DLGAP2: variants seen among roughly 807,000 people sequenced by gnomAD.
DLGAP2 encodes DLG associated protein 2.
In DLGAP2, 26 loss-of-function variants were observed where a neutral mutation model predicts 100.3. That is an observed-to-expected ratio of 0.26 (90% CI 0.19 to 0.36). DLGAP2 has a LOEUF of 0.36. Ranked by LOEUF, DLGAP2 falls within the 10% of genes least tolerant of loss-of-function variation. The pLI is 1.00. For synonymous variants in DLGAP2, 886 were observed against 630.1 expected (o/e 1.41, Z -6.08); for missense variants, 1,858 against 1,453.2 (o/e 1.28, Z -4.53).
chr8:1,170,342 C>G (rs1473002496), intron 2 of DLGAP2, among the ~76,000 whole-genome samples: 1 of 151,878 alleles, frequency 6.6e-6, no homozygotes, highest in Non-Finnish European at 1.5e-5. Flanking sequence ...GTCTAAAATT[C>G]TCTTTTTTGG....
intron 1 of DLGAP2, among the ~76,000 whole-genome samples, chr8:806,838 A>T (rs1253171125): frequency 1.3e-5 from 2 of 152,248 alleles, no homozygotes; most frequent in African/African-American, 4.8e-5. Flanking sequence ...ACAGTATATA[A>T]AAGAAGAAGC....
At chr8:938,505 T>G (rs1276749185) in intron 2 of DLGAP2, among the ~76,000 whole-genome samples, 1 of 152,168 alleles carries the variant, frequency 6.6e-6, no homozygotes, top group Admixed American at 6.5e-5. Flanking sequence ...ATGCATGGTT[T>G]GTGTGGAGCA....
In DLGAP2 at chr8:1,332,786, G is replaced by T. The variant is rs191590786; in HGVS notation, c.106+73903G>T. Among the ~76,000 whole-genome samples, 91 of 152,284 alleles carry T rather than the reference G, an allele frequency of 6.0e-4. 1 individual carries two copies. The highest frequency in any genetic ancestry group is 2.0e-3 in the African/African-American group (82 of 41,568). On this transcript the variant is annotated intron_variant, in intron 3 of 14. Coordinates refer to ENST00000637795, the MANE Select transcript of DLGAP2 (RefSeq NM_001346810.2). The stretch of plus-strand genomic sequence containing the variant: ...TTGAGGCTGCAGGTAGCTCTCTAGG[G>T]TCCTGGACCATTCATAACCAAGCAT...
At chr8:1,486,954 T>C (rs974115582) in intron 3 of DLGAP2, among the ~76,000 whole-genome samples, 1 of 151,780 alleles carries the variant, frequency 6.6e-6, no homozygotes, top group Non-Finnish European at 1.5e-5. Context: ...CGTGGGGAGG[T>C]TGAAACAATA....
chr8:1,031,345 A>C (rs770500049), intron 2 of DLGAP2, among the ~76,000 whole-genome samples: 1 of 151,760 alleles, frequency 6.6e-6, no homozygotes, highest in Non-Finnish European at 1.5e-5. Flanking sequence ...TGTTAGTTAC[A>C]GTTGGGAAGC....
intron 3 of DLGAP2, among the ~76,000 whole-genome samples, chr8:1,328,031 A>G (rs1291413146): frequency 1.3e-5 from 2 of 151,856 alleles, no homozygotes; most frequent in African/African-American, 2.4e-5. Context: ...TTCTGTAACA[A>G]GGGCCTTTTT....
intron 2 of DLGAP2, among the ~76,000 whole-genome samples, chr8:957,257 C>G (rs563203838): frequency 5.9e-4 from 90 of 152,318 alleles, no homozygotes; most frequent in African/African-American, 2.1e-3. Context: ...AGAGGCCCCT[C>G]CAGGGCCTCC....
Position 1,678,367 on chromosome 8 carries a change from G to A in DLGAP2, c.2442G>A (p.Gln814=), listed in dbSNP as rs764163262. ...ACTCCGAGCCCAGCACCCCCACCCA[G>A]TACAGCGCGGTGAGAACTGTACGGA... is the stretch of plus-strand genomic sequence containing the variant. ...QRHSEPSTPT[Q]YSAVRTVRTQ... is the part of the protein sequence containing the mutation. Residue 814 remains glutamine (Q), a synonymous_variant, in exon 12 of 15, where the codon CAG becomes CAA. Coordinates refer to ENST00000637795, the MANE Select transcript of DLGAP2 (RefSeq NM_001346810.2). 5 of 1,613,860 alleles carry A rather than the reference G, an allele frequency of 3.1e-6. No homozygotes were observed. The African/African-American group carries it at 6.7e-5, about 22-fold the overall frequency.
At chr8:1,121,094 A>G (rs895504732) in intron 2 of DLGAP2, among the ~76,000 whole-genome samples, 3 of 150,924 alleles carry the variant, frequency 2.0e-5, no homozygotes, top group Admixed American at 6.6e-5. Context: ...CTGATCACCC[A>G]TCCTCATTCC....
At chr8:1,252,232 G>A (rs1799061022) in intron 2 of DLGAP2, among the ~76,000 whole-genome samples, 1 of 150,540 alleles carries the variant, frequency 6.6e-6, no homozygotes, top group African/African-American at 2.4e-5. Context: ...TTGTCACATG[G>A]GTGTGTTGTG....
intron 3 of DLGAP2, among the ~76,000 whole-genome samples, chr8:1,430,473 T>C (rs1339799564): frequency 1.3e-5 from 2 of 152,214 alleles, no homozygotes; most frequent in African/African-American, 2.4e-5. Context: ...GCTGGTCTTC[T>C]AGCAGAAGAA....
At chr8:1,696,386 G>C (rs1200809106) in intron 13 of DLGAP2, among the ~76,000 whole-genome samples, 1 of 152,186 alleles carries the variant, frequency 6.6e-6, no homozygotes, top group Non-Finnish European at 1.5e-5. Context: ...TGTGGTCCCA[G>C]CTACTTGGGA....
At chr8:1,205,711 T>A (rs1797975482) in intron 2 of DLGAP2, among the ~76,000 whole-genome samples, 1 of 152,166 alleles carries the variant, frequency 6.6e-6, no homozygotes, top group South Asian at 2.1e-4. Flanking sequence ...TCGGACAGGT[T>A]CTCAGCGTCT....
Position 808,609 on chromosome 8 carries a change from G to A in DLGAP2, c.18+70784G>A, listed in dbSNP as rs577607078. On this transcript the variant is annotated intron_variant, in intron 1 of 14. Transcript: ENST00000637795. ...GGGGATGTGTTTGGGCACCCAGGGC[G>A]GAGCCTGTGTGAGGAGGGCGGCCGC... is the stretch of plus-strand genomic sequence containing the variant. 5.3e-5 allele frequency among the ~76,000 whole-genome samples: 8 copies of A among 152,286 alleles called. No individual in the cohort carries two copies. The East Asian group carries it at 9.7e-4, about 18-fold the overall frequency.
intron 5 of DLGAP2, among the ~76,000 whole-genome samples, chr8:1,557,438 A>G (rs922708472): frequency 1.3e-5 from 2 of 152,092 alleles, no homozygotes; most frequent in South Asian, 2.1e-4. Flanking sequence ...AGGGGTGAGG[A>G]CACAGGATGG....
chr8:1,573,098 G>C (rs1802808040), intron 6 of DLGAP2, among the ~76,000 whole-genome samples: 1 of 113,316 alleles, frequency 8.8e-6, no homozygotes, highest in African/African-American at 3.7e-5. Context: ...ATGGAGAGGA[G>C]AGAGGGGTGA....
intron 3 of DLGAP2, among the ~76,000 whole-genome samples, chr8:1,306,782 A>G (rs1376418196): frequency 2.6e-5 from 4 of 152,338 alleles, no homozygotes; most frequent in African/African-American, 7.2e-5. Flanking sequence ...GGGTGCCAAG[A>G]CCATTCAATG....
At chr8:823,993 A>C (rs902003872) in intron 1 of DLGAP2, among the ~76,000 whole-genome samples, 50 of 152,180 alleles carry the variant, frequency 3.3e-4, no homozygotes, top group Admixed American at 3.1e-3. Flanking sequence ...CACGTCCCCT[A>C]ACTCCGAAAG....
intron 8 of DLGAP2, among the ~76,000 whole-genome samples, chr8:1,658,377 G>C (rs1458616605): frequency 6.6e-6 from 1 of 152,106 alleles, no homozygotes; most frequent in Admixed American, 6.5e-5. Context: ...AAGAAGAAAC[G>C]GTTTAGGGGC....
Sources: gnomAD v4.1 joint callset for allele counts (sites outside exome capture counted in the v4.1 genomes callset) on GRCh38, gnomAD v4.1.1 for gene constraint, MANE v1.5 for transcripts, NCBI Gene and HGNC (gene_info 2026-07-23, HGNC 2026-07-21) for gene names.